The following ZAP70 variants were observed in gnomAD, a reference collection of about 807,000 sequenced individuals.
ZAP70 encodes the protein zeta chain of T cell receptor associated protein kinase 70.
ZAP70 carries 27 observed loss-of-function variants against 65.8 expected under a neutral mutation model. That is an observed-to-expected ratio of 0.41 (90% CI 0.30 to 0.57). ZAP70 has a LOEUF of 0.57. Ranked by LOEUF, ZAP70 falls within the 20% of genes least tolerant of loss-of-function variation. The probability of loss-of-function intolerance (pLI) is 0.28; values close to 1 mark genes in which losing one functional copy is unlikely to be tolerated. For synonymous variants in ZAP70, 363 were observed against 360.8 expected (o/e 1.01, Z -0.07); for missense variants, 696 against 870.5 (o/e 0.80, Z 2.52).
At chr2:97,747,342 A>T in the ZAP70 span, among the ~76,000 whole-genome samples, 1 of 152,260 alleles carries the variant, frequency 6.6e-6, no homozygotes, top group Non-Finnish European at 1.5e-5. Flanking sequence ...TGAGTAGATA[A>T]ATGTGTGGTA....
At chr2:97,746,825 A>G in the ZAP70 span, among the ~76,000 whole-genome samples, 1 of 152,230 alleles carries the variant, frequency 6.6e-6, no homozygotes, top group Non-Finnish European at 1.5e-5. Flanking sequence ...CAAATCATAT[A>G]TTGGGGAAGA....
At chr2:97,725,606 C>T (rs7565744) in intron 4 of ZAP70, among the ~76,000 whole-genome samples, 22,190 of 152,196 alleles carry the variant, frequency 0.15, 2,102 homozygotes, top group African/African-American at 0.26. Context: ...ACTGAGCACA[C>T]GGCAGTGAGC....
At chr2:97,756,080 G>C in the ZAP70 span, among the ~76,000 whole-genome samples, 2 of 152,170 alleles carry the variant, frequency 1.3e-5, no homozygotes, top group Non-Finnish European at 2.9e-5. Context: ...AGGCCTTTTA[G>C]GATAGTGGCA....
intron 4 of ZAP70, among the ~76,000 whole-genome samples, chr2:97,728,524 T>G (rs1424598141): frequency 6.6e-6 from 1 of 152,166 alleles, no homozygotes; most frequent in African/African-American, 2.4e-5. Context: ...TTCTCAGGGC[T>G]TGGGGTGTGA....
chr2:97,734,217 G>T (rs532683006), intron 8 of ZAP70: 2 of 594,646 alleles, frequency 3.4e-6, no homozygotes, highest in South Asian at 5.4e-5. Flanking sequence ...GGCCATAGGC[G>T]TACACGTACG....
chr2:97,719,557 G>GA (rs1553572113), intron 2 of ZAP70, among the ~76,000 whole-genome samples: 11 of 151,246 alleles, frequency 7.3e-5, no homozygotes, highest in African/African-American at 1.2e-4. Context: ...ACAGCCTGGG[G>GA]GGGGGGCGCA....
chr2:97,751,592 A>T, the ZAP70 span, among the ~76,000 whole-genome samples: 2 of 152,242 alleles, frequency 1.3e-5, no homozygotes, highest in Admixed American at 1.3e-4. Context: ...GATTAAAGGC[A>T]CAACTTCAGT....
chr2:97,739,242 C>CCT, intron 13 of ZAP70, 133 bp from the exon 14 acceptor site: 2 of 1,412,002 alleles, frequency 1.4e-6, no homozygotes, highest in African/African-American at 2.8e-5. Context: ...CAATGTCCCG[C>CCT]CACCCCAACA....
At position 97,719,556 on chromosome 2, in the gene ZAP70, G is replaced by T. The variant is rs190823712; in HGVS notation, c.-21-4460G>T. Among the ~76,000 whole-genome samples, 178 of 151,372 alleles carry T rather than the reference G, an allele frequency of 1.2e-3. 5 individuals are homozygous for T. In the East Asian group the frequency reaches 0.026, roughly 22 times the overall value. On this transcript the variant is annotated intron_variant, in intron 2 of 13. Coordinates refer to ENST00000264972, the MANE Select transcript of ZAP70 (RefSeq NM_001079.4). ...CTATCAGTGCTGGAGAACAGCCTGG[G>T]GGGGGGGCGCAGACCAGGTCTGGCT... is the stretch of plus-strand genomic sequence containing the variant.
chr2:97,733,960 G>C, intron 8 of ZAP70: 1 of 378,682 alleles, frequency 2.6e-6, no homozygotes, highest in African/African-American at 2.0e-5. Context: ...TTACAGATGA[G>C]AGAGGGAGGG....
Position 97,724,201 on chromosome 2 carries a change from C to T in ZAP70, c.165C>T (p.Arg55=). 6.2e-7 allele frequency: 1 copy of T among 1,600,058 alleles called. No individual in the cohort carries two copies. Among genetic ancestry groups the T allele is most frequent in the Non-Finnish European group, 8.5e-7 (1 of 1,174,838 alleles). The part of the protein sequence containing the change: ...GYVLSLVHDV[R]FHHFPIERQL... ...TGCTGTCGCTCGTGCACGATGTGCGCTTCCACCACTTTCCCATCGAGCGCC... is the reference window on the plus strand; with the variant it reads ...TGCTGTCGCTCGTGCACGATGTGCGTTTCCACCACTTTCCCATCGAGCGCC... The change falls in exon 3 of 14, where the codon CGC becomes CGT. Residue 55 remains arginine, a synonymous_variant. Coordinates refer to ENST00000264972, the MANE Select transcript of ZAP70 (RefSeq NM_001079.4).
chr2:97,740,180 C>A (rs1678088786), downstream of ZAP70, among the ~76,000 whole-genome samples: 1 of 150,932 alleles, frequency 6.6e-6, no homozygotes, highest in East Asian at 1.9e-4. Context: ...CAAACGCTAA[C>A]CCCCCCTCCC....
At chr2:97,747,822 T>TTG in the ZAP70 span, among the ~76,000 whole-genome samples, 1 of 123,382 alleles carries the variant, frequency 8.1e-6, no homozygotes, top group Admixed American at 7.8e-5. Flanking sequence ...GAGGTTTTTT[T>TTG]TTTTTTTTTT....
chr2:97,724,040 C>G lies in ZAP70; in HGVS notation c.4C>G (p.Pro2Ala), dbSNP rs201017088. M[P>A]DPAAHLPFFY... ...GGTTTCGGGAGGCCCAGGGGCGATG[C>G]CAGACCCCGCGGCGCACCTGCCCTT... The change falls in exon 3 of 14, where the codon CCA becomes GCA. Residue 2 changes from proline to alanine, a missense_variant. Physicochemically the swap from Pro to Ala is conservative, Grantham distance 27. Transcript: ENST00000264972. The G allele has an allele frequency of 1.9e-6, 3 of 1,550,110 alleles. No individual in the cohort carries two copies. Among genetic ancestry groups the G allele is most frequent in the Non-Finnish European group, 2.6e-6 (3 of 1,154,190 alleles).
chr2:97,723,424 C>T (rs944035190), intron 2 of ZAP70, among the ~76,000 whole-genome samples: 14 of 152,302 alleles, frequency 9.2e-5, no homozygotes, highest in African/African-American at 3.1e-4. Context: ...TGCGCTGTCC[C>T]GCGCGCTTTT....
chr2:97,748,366 G>A, the ZAP70 span, among the ~76,000 whole-genome samples: 1 of 152,114 alleles, frequency 6.6e-6, no homozygotes. Context: ...TCAAGAAGAA[G>A]CTCTATTTTG....
chr2:97,729,997 CA>C (rs112821559), intron 4 of ZAP70, among the ~76,000 whole-genome samples: 17,663 of 152,162 alleles, frequency 0.12, 1,131 homozygotes, highest in African/African-American at 0.16. Context: ...GAAGCTGAGG[CA>C]GGCGGATCGT....
the ZAP70 span, among the ~76,000 whole-genome samples, chr2:97,753,663 A>G: frequency 6.6e-6 from 1 of 152,218 alleles, no homozygotes; most frequent in African/African-American, 2.4e-5. Flanking sequence ...ACCTTTGTTT[A>G]TACGTATTTA....
At chr2:97,752,595 C>A in the ZAP70 span, among the ~76,000 whole-genome samples, 14 of 152,186 alleles carry the variant, frequency 9.2e-5, no homozygotes, top group Non-Finnish European at 1.6e-4. Context: ...CCAAACACTG[C>A]CATTAGGATC....
Sources: gnomAD v4.1 joint callset for allele counts (sites outside exome capture counted in the v4.1 genomes callset) on GRCh38, gnomAD v4.1.1 for gene constraint, MANE v1.5 for transcripts, NCBI Gene and HGNC (gene_info 2026-07-23, HGNC 2026-07-21) for gene names.